THSD4: variants seen among roughly 807,000 people sequenced by gnomAD.
THSD4 encodes thrombospondin type-1 domain-containing protein 4.
In THSD4, 69 loss-of-function variants were observed where a neutral mutation model predicts 119.0. The ratio of observed to expected loss-of-function variants is 0.58; its 90% CI spans 0.48 to 0.71. THSD4 has a LOEUF of 0.71. Among genes scored for constraint, THSD4 ranks in the 30% least tolerant of loss-of-function variants. The pLI is 0.00. For missense variants in THSD4, 1,393 were observed against 1,391.1 expected (o/e 1.00, Z -0.02); for synonymous variants, 524 against 540.4 (o/e 0.97, Z 0.42).
chr15:71,616,776 G>A (rs150272284), intron 7 of THSD4, among the ~76,000 whole-genome samples: 1 of 152,322 alleles, frequency 6.6e-6, no homozygotes, highest in African/African-American at 2.4e-5. Context: ...TGGGCAAGAG[G>A]CTTGGATTGG....
chr15:71,657,360 C>G (rs1351588992), intron 7 of THSD4, among the ~76,000 whole-genome samples: 3 of 152,188 alleles, frequency 2.0e-5, no homozygotes, highest in African/African-American at 7.2e-5. Flanking sequence ...CCATGCCCTC[C>G]TAGACATCTA....
chr15:71,424,151 C>T (rs537177164), intron 7 of THSD4, among the ~76,000 whole-genome samples: 1 of 152,238 alleles, frequency 6.6e-6, no homozygotes, highest in South Asian at 2.1e-4. Context: ...GATCGCCCAC[C>T]TGATTTTTGG....
intron 7 of THSD4, among the ~76,000 whole-genome samples, chr15:71,434,324 C>T (rs1408457909): frequency 6.6e-6 from 1 of 151,492 alleles, no homozygotes; most frequent in East Asian, 1.9e-4. Flanking sequence ...AGAGATGAAG[C>T]AGATCAGTGC....
intron 8 of THSD4, among the ~76,000 whole-genome samples, chr15:71,682,868 C>A (rs2051816050): frequency 5.4e-5 from 1 of 18,494 alleles, no homozygotes; most frequent in African/African-American, 1.5e-4. Context: ...TTCTTTCTTT[C>A]TTTCTTTCTT....
chr15:71,354,525 G>T (rs914894719), intron 6 of THSD4, among the ~76,000 whole-genome samples: 1 of 152,166 alleles, frequency 6.6e-6, no homozygotes, highest in Non-Finnish European at 1.5e-5. Context: ...GACCTAAAAA[G>T]ACTCTTCCTT....
At chr15:71,189,946 A>AT (rs1241059048) in intron 3 of THSD4, among the ~76,000 whole-genome samples, 2 of 152,148 alleles carry the variant, frequency 1.3e-5, no homozygotes, top group Non-Finnish European at 2.9e-5. Context: ...GCTGATGCTC[A>AT]TCCCGCCCAC....
At chr15:71,263,346 T>TATATATATAC (rs937302953) in intron 6 of THSD4, among the ~76,000 whole-genome samples, 17 of 150,856 alleles carry the variant, frequency 1.1e-4, no homozygotes, top group African/African-American at 3.4e-4. Flanking sequence ...TATATATATA[T>TATATATATAC]ACGACATTTT....
At chr15:71,608,854 T>C (rs142003987) in intron 7 of THSD4, among the ~76,000 whole-genome samples, 1 of 152,332 alleles carries the variant, frequency 6.6e-6, no homozygotes, top group African/African-American at 2.4e-5. Context: ...ATCCCCAATA[T>C]GTAGATAAGG....
chr15:71,292,372 A>G (rs1364679108), intron 6 of THSD4, among the ~76,000 whole-genome samples: 1 of 152,098 alleles, frequency 6.6e-6, no homozygotes, highest in African/African-American at 2.4e-5. Flanking sequence ...GTTTCTTCCA[A>G]TATTTCTTTG....
chr15:71,404,016 C>T (rs1478865656), intron 6 of THSD4, among the ~76,000 whole-genome samples: 1 of 152,148 alleles, frequency 6.6e-6, no homozygotes, highest in Non-Finnish European at 1.5e-5. Flanking sequence ...AATCTGGAAA[C>T]AGAAATTGTC....
chr15:71,237,252 G>A (rs999881732), intron 4 of THSD4, among the ~76,000 whole-genome samples: 1 of 152,208 alleles, frequency 6.6e-6, no homozygotes, highest in South Asian at 2.1e-4. Flanking sequence ...GTGGCCCACA[G>A]ACCAAGAGCA....
Position 71,215,062 on chromosome 15 carries a change from G to GC in THSD4, c.132dup (p.Glu45ArgfsTer24). On this transcript the variant is annotated frameshift_variant, in exon 4 of 18. Coordinates refer to ENST00000261862, the MANE Select transcript of THSD4 (RefSeq NM_024817.3). LOFTEE classifies it high-confidence loss of function. Reference sequence around the variant, plus strand: ...CCCGCAGCGGATGGCGGCGGAGGGCGCCCCCGAGGACGACGGCGGCGGCGG... The same window carrying GC: ...CCCGCAGCGGATGGCGGCGGAGGGCGCCCCCCGAGGACGACGGCGGCGGCGG... 7.7e-7 allele frequency: 1 copy of GC among 1,293,374 alleles called. No homozygotes were observed. The highest frequency in any genetic ancestry group is 9.8e-7 in the Non-Finnish European group (1 of 1,016,962). The allele number at this position is 1,293,374 out of a possible 1,614,324, so 80.1% of individuals were successfully genotyped here. A position where few individuals can be genotyped will look rare whatever the true frequency, so the allele number is the denominator to read the frequency against.
chr15:71,293,148 G>GCTGCAGATGCCCTGTGCC (rs1414915246), intron 6 of THSD4, among the ~76,000 whole-genome samples: 4 of 152,184 alleles, frequency 2.6e-5, no homozygotes, highest in African/African-American at 7.2e-5. Context: ...ACGTGCATGT[G>GCTGCAGATGCCCTGTGCC]CTGCAGATGC....
intron 7 of THSD4, among the ~76,000 whole-genome samples, chr15:71,579,599 T>C (rs545286277): frequency 1.3e-5 from 2 of 152,198 alleles, no homozygotes; most frequent in Non-Finnish European, 2.9e-5. Flanking sequence ...TACTGTACTC[T>C]TGAAGGGTGA....
intron 3 of THSD4, among the ~76,000 whole-genome samples, chr15:71,176,170 G>A (rs1289500642): frequency 6.9e-6 from 1 of 145,872 alleles, no homozygotes; most frequent in African/African-American, 2.6e-5. Flanking sequence ...ACTACATTCT[G>A]CAATTAAAAG....
At chr15:71,599,788 ATC>A (rs1488304124) in intron 7 of THSD4, among the ~76,000 whole-genome samples, 2 of 152,208 alleles carry the variant, frequency 1.3e-5, no homozygotes, top group African/African-American at 2.4e-5. Flanking sequence ...GGCAAATGTC[ATC>A]TCTCTGCATT....
At chr15:71,153,610 A>G (rs1052355084) in intron 2 of THSD4, among the ~76,000 whole-genome samples, 1 of 152,150 alleles carries the variant, frequency 6.6e-6, no homozygotes, top group Non-Finnish European at 1.5e-5. Context: ...TTGGATTCTT[A>G]GAAATGGTGG....
At chr15:71,730,917 A>G in intron 9 of THSD4, 2 of 558,112 alleles carry the variant, frequency 3.6e-6, no homozygotes, top group South Asian at 4.3e-5. Flanking sequence ...TGCTCGGCCT[A>G]AGTTCTTCAT....
intron 1 of THSD4, among the ~76,000 whole-genome samples, chr15:71,105,903 C>G (rs1453560553): frequency 6.6e-6 from 1 of 152,162 alleles, no homozygotes; most frequent in Non-Finnish European, 1.5e-5. Context: ...GGGCCATGAG[C>G]CCTCTTGAGA....
Sources: allele counts gnomAD v4.1 joint callset (sites outside exome capture counted in the v4.1 genomes callset), GRCh38; gene constraint gnomAD v4.1.1; transcripts MANE v1.5; gene names NCBI Gene and HGNC (gene_info 2026-07-23, HGNC 2026-07-21).